RGMA: variants seen among roughly 807,000 people sequenced by gnomAD.
RGMA encodes the protein repulsive guidance molecule A.
Under a neutral mutation model 23.2 loss-of-function variants are expected in RGMA, and 10 were observed. The ratio of observed to expected loss-of-function variants is 0.43; its 90% CI spans 0.27 to 0.73. The LOEUF (loss-of-function observed/expected upper bound fraction) is 0.73, where lower values mean the gene tolerates loss of function less well. RGMA is among the 30% of genes least tolerant of loss of function. RGMA has a pLI of 0.20. For missense variants in RGMA, 547 were observed against 630.5 expected (o/e 0.87, Z 1.42); for synonymous variants, 308 against 279.3 (o/e 1.10, Z -1.03).
rs770984421 is a variant in RGMA, at chr15:93,052,497, C to T, written c.141G>A (p.Pro47=). Residue 47 remains proline (P), a synonymous_variant, in exon 3 of 4, where the codon CCG becomes CCA. Transcript: ENST00000329082. ...LLCSFPAATS[P]CKILKCNSEF... is the part of the protein sequence containing the mutation. ...CAGAGTTGCACTTGAGGATCTTGCA[C>T]GGGGAGGTGGCTGAGGAGAAAGGAA... 31 of 1,569,980 alleles carry T rather than the reference C, an allele frequency of 2.0e-5. No homozygotes were observed. Among genetic ancestry groups the T allele is most frequent in the Admixed American group, 3.4e-5 (2 of 58,956 alleles).
intron 2 of RGMA, among the ~76,000 whole-genome samples, chr15:93,055,144 G>T (rs2054992966): frequency 1.3e-5 from 2 of 152,134 alleles, no homozygotes; most frequent in African/African-American, 2.4e-5. Context: ...GCAGATGTGG[G>T]TGTCAGAGAA....
Position 93,044,713 on chromosome 15 carries a change from C to A in RGMA, c.*285G>T. ...TCTGGTGGGGGTGGGGGGCTTCAGC[C>A]TGAGGGGATGTTTCACACATTCACA... On this transcript the variant is annotated 3_prime_UTR_variant, in exon 4 of 4. Transcript: ENST00000329082. The A allele has an allele frequency of 2.1e-6, 1 of 472,252 alleles. No individual in the cohort carries two copies. The highest frequency in any genetic ancestry group is 3.8e-6 in the Non-Finnish European group (1 of 263,944). 29.3% of individuals were successfully genotyped at this position (472,252 alleles called of 1,614,324 possible).
intron 2 of RGMA, among the ~76,000 whole-genome samples, chr15:93,054,071 A>C (rs751327923): frequency 1.3e-5 from 2 of 151,992 alleles, no homozygotes; most frequent in Non-Finnish European, 2.9e-5. Flanking sequence ...CTCTACCAAA[A>C]ATACAAAAAT....
At chr15:93,071,566 A>G (rs1335451587) in intron 2 of RGMA, among the ~76,000 whole-genome samples, 2 of 152,150 alleles carry the variant, frequency 1.3e-5, no homozygotes, top group Non-Finnish European at 2.9e-5. Context: ...AGTAAGCCGG[A>G]CGCACAAGTC....
At position 93,052,324 on chromosome 15, in the gene RGMA, C is replaced by T. The variant is rs1402196181; in HGVS notation, c.314G>A (p.Gly105Asp). The T allele has an allele frequency of 6.2e-7, 1 of 1,603,180 alleles. No homozygotes were observed. Among genetic ancestry groups the T allele is most frequent in the Admixed American group, 1.7e-5 (1 of 59,968 alleles). ...GTGCTGGCTCATGAGGTCCTCTATG[C>T]CATGGACGGCCGAGTGGTAGGCCAG... Reference protein sequence around the residue: ...GDLAYHSAVHGIEDLMSQHNC... With the variant: ...GDLAYHSAVHDIEDLMSQHNC... The change falls in exon 3 of 4, where the codon GGC (glycine) becomes GAC (aspartate). Residue 105 changes from glycine to aspartate, a missense_variant. Physicochemically the swap from Gly to Asp is moderately conservative, Grantham distance 94. Coordinates refer to ENST00000329082, the MANE Select transcript of RGMA (RefSeq NM_020211.3).
At chr15:93,072,617 G>A (rs1410186483) in intron 2 of RGMA, among the ~76,000 whole-genome samples, 1 of 152,122 alleles carries the variant, frequency 6.6e-6, no homozygotes, top group African/African-American at 2.4e-5. Flanking sequence ...TAGGAGGCAC[G>A]TTCCCAGCCA....
chr15:93,065,795 G>T, intron 2 of RGMA: 1 of 982,400 alleles, frequency 1.0e-6, no homozygotes, highest in Non-Finnish European at 1.6e-6. Flanking sequence ...TGGCTGGGGT[G>T]GTCTGGGCCA....
intron 1 of RGMA, among the ~76,000 whole-genome samples, chr15:93,087,464 CAAAA>C (rs60714695): frequency 1.3e-5 from 1 of 74,486 alleles, no homozygotes; most frequent in African/African-American, 5.4e-5. Flanking sequence ...TTTGTATGTG[CAAAA>C]AAAAAAAAAA....
chr15:93,075,191 G>A (rs867965898), intron 1 of RGMA, among the ~76,000 whole-genome samples: 1 of 150,608 alleles, frequency 6.6e-6, no homozygotes, highest in South Asian at 2.1e-4. Context: ...TCCCTCCCAC[G>A]TCAGGAAATG....
At position 93,089,055 on chromosome 15, in the gene RGMA, C is replaced by T; in HGVS notation, c.-123G>A. The T allele has an allele frequency of 1.9e-6, 1 of 519,318 alleles. No individual in the cohort carries two copies. The highest frequency in any genetic ancestry group is 3.0e-6 in the Non-Finnish European group (1 of 328,938). 32.2% of individuals were successfully genotyped at this position (519,318 alleles called of 1,614,324 possible). A position where few individuals can be genotyped will look rare whatever the true frequency, so the allele number is the denominator to read the frequency against. ...GCTCCGCTGGCGCTGGTCCCCGCCG[C>T]CCCGGCCGGCTCAGCAGCGGCCCGG... On this transcript the variant is annotated 5_prime_UTR_variant, in exon 1 of 4. Coordinates refer to ENST00000329082, the MANE Select transcript of RGMA (RefSeq NM_020211.3).
At chr15:93,048,116 C>G (rs138294861) in intron 3 of RGMA, among the ~76,000 whole-genome samples, 6 of 152,250 alleles carry the variant, frequency 3.9e-5, no homozygotes, top group African/African-American at 1.4e-4. Flanking sequence ...CCAGAACCTT[C>G]TAGGTAATAC....
At chr15:93,059,303 G>A (rs1252519951) in intron 2 of RGMA, among the ~76,000 whole-genome samples, 5 of 152,234 alleles carry the variant, frequency 3.3e-5, no homozygotes, top group South Asian at 2.1e-4. Context: ...AATCGATTCC[G>A]GGCCCTCCCT....
At chr15:93,046,758 G>T (rs1056474079) in intron 3 of RGMA, among the ~76,000 whole-genome samples, 2 of 152,136 alleles carry the variant, frequency 1.3e-5, no homozygotes, top group Admixed American at 6.5e-5. Context: ...GGAGCAAGGT[G>T]CTGGTCGGTA....
In RGMA at chr15:93,038,566, G is replaced by GTTCTTTTTTTTTTTTTTTTTTTTTTT. The variant is rs1178389064; in HGVS notation, c.*6431_*6432insAAAAAAAAAAAAAAAAAAAAAAAGAA. 1 of 84,446 alleles carries GTTCTTTTTTTTTTTTTTTTTTTTTTT rather than the reference G, an allele frequency of 1.2e-5. No individual in the cohort carries two copies. The highest frequency in any genetic ancestry group is 2.9e-5 in the Non-Finnish European group (1 of 34,360). The allele number at this position is 84,446 out of a possible 1,614,324, so 5.2% of individuals were successfully genotyped here. A position where few individuals can be genotyped will look rare whatever the true frequency, so the allele number is the denominator to read the frequency against. On this transcript the variant is annotated 3_prime_UTR_variant, in exon 4 of 4. Coordinates refer to ENST00000329082, the MANE Select transcript of RGMA (RefSeq NM_020211.3). ...ATTGCCTTAATGAACGAAACTGTTA[G>GTTCTTTTTTTTTTTTTTTTTTTTTTT]TTGTTTTTTTTTTTTTTTTGAGACG... is the stretch of plus-strand genomic sequence containing the variant.
Position 93,036,109 on chromosome 15 carries a change from T to C in RGMA, c.*8889A>G, listed in dbSNP as rs1253076740. On this transcript the variant is annotated 3_prime_UTR_variant, in exon 4 of 4. Coordinates refer to ENST00000329082, the MANE Select transcript of RGMA (RefSeq NM_020211.3). ...GTAATCACACATGTGACTCGGTTAGTGTCTGTCTCTCACCACTAGAGGTCA... is the reference window on the plus strand; with the variant it reads ...GTAATCACACATGTGACTCGGTTAGCGTCTGTCTCTCACCACTAGAGGTCA... 1 of 152,242 alleles carries C rather than the reference T, an allele frequency of 6.6e-6. No individual in the cohort carries two copies. Among genetic ancestry groups the C allele is most frequent in the African/African-American group, 2.4e-5 (1 of 41,444 alleles). The allele number at this position is 152,242 out of a possible 1,614,324, so 9.4% of individuals were successfully genotyped here. A position where few individuals can be genotyped will look rare whatever the true frequency, so the allele number is the denominator to read the frequency against.
chr15:93,047,132 C>G (rs1008519970), intron 3 of RGMA, among the ~76,000 whole-genome samples: 9 of 152,194 alleles, frequency 5.9e-5, no homozygotes, highest in Middle Eastern at 3.4e-3. Flanking sequence ...TCTGGGCTCT[C>G]TTGGCCACAA....
chr15:93,066,152 T>A (rs1213348162), intron 2 of RGMA: 1 of 1,363,774 alleles, frequency 7.3e-7, no homozygotes, highest in Non-Finnish European at 1.0e-6. Flanking sequence ...CCGGGCCCAG[T>A]TACATTAGCG....
chr15:93,065,710 T>C, intron 2 of RGMA: 3 of 1,196,370 alleles, frequency 2.5e-6, no homozygotes, highest in Non-Finnish European at 3.6e-6. Context: ...TCGTGGGCCC[T>C]GGGGCTCAGG....
At chr15:93,083,329 C>CT (rs143354850) in intron 1 of RGMA, among the ~76,000 whole-genome samples, 3,315 of 152,188 alleles carry the variant, frequency 0.022, 83 homozygotes, top group African/African-American at 0.074. Context: ...GCAAGAGAAG[C>CT]TTTTTTTATT....
Sources: gnomAD v4.1 joint callset for allele counts (sites outside exome capture counted in the v4.1 genomes callset) on GRCh38, gnomAD v4.1.1 for gene constraint, MANE v1.5 for transcripts, NCBI Gene and HGNC (gene_info 2026-07-23, HGNC 2026-07-21) for gene names.